MARCHF7: variants seen among roughly 807,000 people sequenced by gnomAD.
MARCHF7 encodes the protein membrane associated ring-CH-type finger 7.
MARCHF7 carries 20 observed loss-of-function variants against 76.5 expected under a neutral mutation model. The ratio of observed to expected loss-of-function variants is 0.26; its 90% CI spans 0.18 to 0.38. The LOEUF is 0.38. Among genes scored for constraint, MARCHF7 ranks in the 10% least tolerant of loss-of-function variants. The pLI, the probability that MARCHF7 is intolerant of heterozygous loss-of-function variation, is 1.00. For synonymous variants in MARCHF7, 295 were observed against 293.0 expected, an observed-to-expected ratio of 1.01 and a Z score of -0.07; for missense variants, 797 against 812.9, an observed-to-expected ratio of 0.98 and a Z score of 0.24.
At chr2:159,713,242 G>T (rs1700484141) in intron 1 of MARCHF7, among the ~76,000 whole-genome samples, 2 of 152,206 alleles carry the variant, frequency 1.3e-5, no homozygotes, top group South Asian at 4.1e-4. Flanking sequence ...ATTAAAAATG[G>T]ACCTGTTGGC....
At chr2:159,761,402 ATTTCTTTTTTTTTTTTTTTTTTTTT>A in intron 9 of MARCHF7, among the ~76,000 whole-genome samples, 1 of 68,448 alleles carries the variant, frequency 1.5e-5, no homozygotes, top group Middle Eastern at 0.011. Context: ...TAAGTGAATC[ATTTCTTTTTTTTTTTTTTTTTTTTT>A]TTTTGAGACG....
At chr2:159,732,757 C>G (rs1256949162) in intron 4 of MARCHF7, 2 of 764,490 alleles carry the variant, frequency 2.6e-6, no homozygotes, top group Admixed American at 6.2e-5. Context: ...GATTCAAACT[C>G]CTGGCCTCCA....
chr2:159,739,110 G>T (rs1277556620), intron 4 of MARCHF7, among the ~76,000 whole-genome samples: 1 of 152,226 alleles, frequency 6.6e-6, no homozygotes, highest in Non-Finnish European at 1.5e-5. Context: ...GCAGGAGGCG[G>T]GGGCGGGAAG....
chr2:159,766,981 G>A (rs1233608633), intron 11 of MARCHF7, among the ~76,000 whole-genome samples: 1 of 151,898 alleles, frequency 6.6e-6, no homozygotes, highest in Non-Finnish European at 1.5e-5. Flanking sequence ...TAGCTACTAT[G>A]AACACAGATT....
Position 159,748,165 on chromosome 2 carries a change from C to T in MARCHF7, c.875C>T (p.Ser292Phe). The T allele has an allele frequency of 1.2e-6, 2 of 1,612,952 alleles. No individual in the cohort carries two copies. The highest frequency in any genetic ancestry group is 1.7e-6 in the Non-Finnish European group (2 of 1,179,646). The change falls in exon 7 of 12, where the codon TCT becomes TTT. Residue 292 changes from serine (S) to phenylalanine (F), a missense_variant. Coordinates refer to ENST00000409175, the MANE Select transcript of MARCHF7 (RefSeq NM_001282805.2). ...LLSRIASSMS[S>F]TFFSRRSSQD... ...TCACGCATAGCTTCTAGCATGTCAT[C>T]TACTTTTTTTTCACGAAGATCTAGT... is the stretch of plus-strand genomic sequence containing the variant.
rs1574370938 is a variant in MARCHF7 at position 159,748,968 on chromosome 2, T to C, written c.1613+65T>C. The C allele has an allele frequency of 4.6e-6, 6 of 1,293,574 alleles. No individual in the cohort carries two copies. In the East Asian group the frequency reaches 1.3e-4, roughly 29 times the overall value. 80.1% of individuals were successfully genotyped at this position (1,293,574 alleles called of 1,614,324 possible). A position where few individuals can be genotyped will look rare whatever the true frequency, so the allele number is the denominator to read the frequency against. The stretch of plus-strand genomic sequence containing the variant: ...TAGAGAAAGAACTCTTCATTTCTTT[T>C]TTTTCTTTTCTTTTTTTTTTTTTTT... On this transcript the variant is annotated intron_variant, in intron 7 of 11. Coordinates refer to ENST00000409175, the MANE Select transcript of MARCHF7 (RefSeq NM_001282805.2).
intron 11 of MARCHF7, among the ~76,000 whole-genome samples, chr2:159,764,952 T>C (rs1707588373): frequency 6.6e-6 from 1 of 152,066 alleles, no homozygotes; most frequent in Admixed American, 6.6e-5. Flanking sequence ...TTTCAGGATT[T>C]ATAATAAAAA....
At chr2:159,733,706 A>G in intron 4 of MARCHF7, 1 of 985,428 alleles carries the variant, frequency 1.0e-6, no homozygotes. Context: ...TAGACTTAAT[A>G]TGGGAACACC....
intron 3 of MARCHF7, among the ~76,000 whole-genome samples, chr2:159,721,019 G>A (rs570078338): frequency 6.9e-6 from 1 of 145,554 alleles, no homozygotes; most frequent in African/African-American, 2.8e-5. Context: ...CACCACACAC[G>A]GCTATTTTTT....
At chr2:159,733,468 G>A (rs574979450) in intron 4 of MARCHF7, 5 of 924,934 alleles carry the variant, frequency 5.4e-6, no homozygotes, top group Middle Eastern at 1.1e-3. Flanking sequence ...GAACTTAGGA[G>A]ATCAAGCAGT....
At chr2:159,750,565 G>A (rs1425684052) in intron 7 of MARCHF7, among the ~76,000 whole-genome samples, 1 of 151,802 alleles carries the variant, frequency 6.6e-6, no homozygotes, top group Non-Finnish European at 1.5e-5. Context: ...TTAAATGCAG[G>A]GCATAGAATC....
chr2:159,737,692 G>T (rs910034650), intron 4 of MARCHF7, among the ~76,000 whole-genome samples: 2 of 152,166 alleles, frequency 1.3e-5, no homozygotes, highest in African/African-American at 2.4e-5. Context: ...GGAGGCTGAG[G>T]TGGAAGGATT....
At chr2:159,734,544 G>T (rs993124127) in intron 4 of MARCHF7, among the ~76,000 whole-genome samples, 13 of 152,106 alleles carry the variant, frequency 8.5e-5, no homozygotes, top group African/African-American at 2.9e-4. Flanking sequence ...TAATAAATAT[G>T]GAGAGTGGGT....
intron 3 of MARCHF7, among the ~76,000 whole-genome samples, chr2:159,724,799 A>G (rs1168779407): frequency 6.6e-6 from 1 of 152,128 alleles, no homozygotes; most frequent in Non-Finnish European, 1.5e-5. Context: ...CGTCATTTGC[A>G]ATAGATATTT....
chr2:159,726,094 TG>T (rs1045794821), intron 3 of MARCHF7, among the ~76,000 whole-genome samples: 4 of 152,042 alleles, frequency 2.6e-5, no homozygotes, highest in African/African-American at 4.8e-5. Context: ...GTGTGGGAGA[TG>T]GGGGGTGGTA....
intron 1 of MARCHF7, among the ~76,000 whole-genome samples, chr2:159,713,936 G>C (rs1351291458): frequency 6.6e-6 from 1 of 152,204 alleles, no homozygotes; most frequent in Non-Finnish European, 1.5e-5. Flanking sequence ...TCCAAGTTTA[G>C]TGCTGGGTCA....
At chr2:159,721,754 G>T (rs1342503514) in intron 3 of MARCHF7, among the ~76,000 whole-genome samples, 1 of 152,086 alleles carries the variant, frequency 6.6e-6, no homozygotes, top group East Asian at 1.9e-4. Flanking sequence ...AATTCTAGTG[G>T]ATCTATCATG....
chr2:159,765,046 T>C (rs1707600730), intron 11 of MARCHF7, among the ~76,000 whole-genome samples: 1 of 152,162 alleles, frequency 6.6e-6, no homozygotes, highest in Non-Finnish European at 1.5e-5. Context: ...TAAGAAATTT[T>C]ACCTGTTACT....
chr2:159,740,086 A>G (rs1168885546), intron 4 of MARCHF7, among the ~76,000 whole-genome samples: 1 of 152,154 alleles, frequency 6.6e-6, no homozygotes, highest in Non-Finnish European at 1.5e-5. Context: ...CCTAAATCTG[A>G]TGAATTTTTA....
Sources: allele counts gnomAD v4.1 joint callset (sites outside exome capture counted in the v4.1 genomes callset), GRCh38; gene constraint gnomAD v4.1.1; transcripts MANE v1.5; gene names NCBI Gene and HGNC (gene_info 2026-07-23, HGNC 2026-07-21).